The following C1orf21 variants were observed in gnomAD, a reference collection of about 807,000 sequenced individuals.
C1orf21 encodes chromosome 1 open reading frame 21.
Under a neutral mutation model 18.7 loss-of-function variants are expected in C1orf21, and 3 were observed. That is an observed-to-expected ratio of 0.16 (90% CI 0.07 to 0.42). The LOEUF (loss-of-function observed/expected upper bound fraction) is 0.42, where lower values mean the gene tolerates loss of function less well. Among genes scored for constraint, C1orf21 ranks in the 10% least tolerant of loss-of-function variants. The probability of loss-of-function intolerance (pLI) is 0.99; values close to 1 mark genes in which losing one functional copy is unlikely to be tolerated. For synonymous variants in C1orf21, 41 were observed against 46.4 expected (o/e 0.88, Z 0.47); for missense variants, 104 against 143.6 (o/e 0.72, Z 1.41).
chr1:184,560,181 T>G (rs1032764521), intron 3 of C1orf21, among the ~76,000 whole-genome samples: 1 of 152,198 alleles, frequency 6.6e-6, no homozygotes, highest in African/African-American at 2.4e-5. Context: ...AGACGCACAT[T>G]AAACAATTAT....
intron 3 of C1orf21, among the ~76,000 whole-genome samples, chr1:184,540,263 CT>C (rs1038120782): frequency 4.6e-5 from 7 of 152,090 alleles, no homozygotes; most frequent in African/African-American, 1.7e-4. Flanking sequence ...TGTTATTGTT[CT>C]TTCATGGTAG....
intron 1 of C1orf21, among the ~76,000 whole-genome samples, chr1:184,397,395 G>C (rs1180800130): frequency 6.6e-6 from 1 of 152,106 alleles, no homozygotes; most frequent in African/African-American, 2.4e-5. Context: ...GACCATCCTG[G>C]CTAACACGGT....
chr1:184,513,230 G>A (rs973063089), intron 3 of C1orf21, among the ~76,000 whole-genome samples: 1 of 152,104 alleles, frequency 6.6e-6, no homozygotes, highest in African/African-American at 2.4e-5. Context: ...GCAAAGGGAG[G>A]GAAAGCAAAA....
chr1:184,532,741 T>G (rs1055991472), intron 3 of C1orf21, among the ~76,000 whole-genome samples: 1 of 152,074 alleles, frequency 6.6e-6, no homozygotes, highest in Admixed American at 6.5e-5. Context: ...ATCAAGAACT[T>G]GTTTCTTAAA....
chr1:184,429,909 C>A lies in C1orf21; in HGVS notation c.-125+42541C>A, dbSNP rs796433465. On this transcript the variant is annotated intron_variant, in intron 1 of 5. Coordinates refer to ENST00000235307, the MANE Select transcript of C1orf21 (RefSeq NM_030806.4). ...GGATCATGAGGTCAGAAGATCGAGA[C>A]CATCCTAGCTAATATGGTGAAACCC... is the stretch of plus-strand genomic sequence containing the variant. Among the ~76,000 whole-genome samples, 10 of 151,980 alleles carry A rather than the reference C, an allele frequency of 6.6e-5. No homozygotes were observed. The East Asian group carries it at 1.9e-3, about 29-fold the overall frequency.
chr1:184,529,150 T>A (rs755568403), intron 3 of C1orf21, among the ~76,000 whole-genome samples: 9 of 152,234 alleles, frequency 5.9e-5, no homozygotes, highest in Non-Finnish European at 1.3e-4. Context: ...ATTTTTTGCA[T>A]ATTTTGATTA....
chr1:184,598,799 G>C (rs1339571), intron 5 of C1orf21, among the ~76,000 whole-genome samples: 43,690 of 152,014 alleles, frequency 0.29, 7,994 homozygotes, highest in African/African-American at 0.52. Flanking sequence ...CTGCAAGGGG[G>C]CCCATAGTAC....
intron 3 of C1orf21, among the ~76,000 whole-genome samples, chr1:184,524,529 C>T (rs1246654003): frequency 2.0e-5 from 3 of 151,782 alleles, no homozygotes; most frequent in Admixed American, 1.3e-4. Flanking sequence ...TGGAATTGTC[C>T]CAGATTAAAA....
intron 3 of C1orf21, among the ~76,000 whole-genome samples, chr1:184,531,262 T>G (rs1378015071): frequency 6.6e-6 from 1 of 152,218 alleles, no homozygotes; most frequent in Admixed American, 6.5e-5. Flanking sequence ...CATTTGTTCC[T>G]TTCTTCTTAG....
At chr1:184,513,046 T>A (rs1658174399) in intron 3 of C1orf21, among the ~76,000 whole-genome samples, 3 of 152,216 alleles carry the variant, frequency 2.0e-5, no homozygotes, top group Non-Finnish European at 2.9e-5. Context: ...TCTTAACTAA[T>A]GTCTGATGAT....
chr1:184,414,211 G>T (rs1025701990), intron 1 of C1orf21, among the ~76,000 whole-genome samples: 1 of 152,070 alleles, frequency 6.6e-6, no homozygotes, highest in Non-Finnish European at 1.5e-5. Flanking sequence ...GGCTCACCGT[G>T]GCCTCGACTC....
intron 3 of C1orf21, among the ~76,000 whole-genome samples, chr1:184,515,648 C>G (rs1156648577): frequency 6.6e-6 from 1 of 152,126 alleles, no homozygotes; most frequent in East Asian, 1.9e-4. Flanking sequence ...TAAAACAAAA[C>G]ATCATTTAAG....
intron 3 of C1orf21, among the ~76,000 whole-genome samples, chr1:184,580,259 T>G (rs939502493): frequency 6.6e-6 from 1 of 152,228 alleles, no homozygotes. Context: ...AAGCCACGTT[T>G]CATCTCCTGT....
At chr1:184,448,882 C>G (rs561989376) in intron 1 of C1orf21, among the ~76,000 whole-genome samples, 1 of 152,264 alleles carries the variant, frequency 6.6e-6, no homozygotes, top group South Asian at 2.1e-4. Flanking sequence ...CCTCCCATTT[C>G]TTAGTGACCA....
rs141622516 is a variant in C1orf21, at chr1:184,490,068, G to T, written c.94+12465G>T. On this transcript the variant is annotated intron_variant, in intron 2 of 5. Transcript: ENST00000235307. ...GGAGAAAGCACTATCACTGGAAATA[G>T]CCCCAGGGCAACAGGGATCTGACTG... Among the ~76,000 whole-genome samples, 346 of 152,336 alleles carry T rather than the reference G, an allele frequency of 2.3e-3. 1 individual carries two copies. Among genetic ancestry groups the T allele is most frequent in the African/African-American group, 7.7e-3 (319 of 41,578 alleles).
At chr1:184,581,206 C>A (rs1659270238) in intron 3 of C1orf21, among the ~76,000 whole-genome samples, 1 of 152,150 alleles carries the variant, frequency 6.6e-6, no homozygotes, top group Non-Finnish European at 1.5e-5. Context: ...GCAGGTGGAT[C>A]ACCTGAGGTT....
intron 3 of C1orf21, among the ~76,000 whole-genome samples, chr1:184,558,326 C>T (rs1658907924): frequency 6.6e-6 from 1 of 152,074 alleles, no homozygotes; most frequent in East Asian, 1.9e-4. Context: ...TTTCTATGGC[C>T]CTGATTTGTG....
chr1:184,599,475 C>CCACCA (rs1213450253), intron 5 of C1orf21: 2 of 152,174 alleles, frequency 1.3e-5, no homozygotes, highest in South Asian at 4.1e-4. Context: ...ATTGTATCAT[C>CCACCA]TTCTAAGCCA....
At chr1:184,531,484 T>A (rs1405316006) in intron 3 of C1orf21, among the ~76,000 whole-genome samples, 1 of 152,244 alleles carries the variant, frequency 6.6e-6, no homozygotes, top group African/African-American at 2.4e-5. Context: ...TCTGTTCCTG[T>A]GTCTTAATGG....
Sources: gnomAD v4.1 joint callset for allele counts (sites outside exome capture counted in the v4.1 genomes callset) on GRCh38, gnomAD v4.1.1 for gene constraint, MANE v1.5 for transcripts, NCBI Gene and HGNC (gene_info 2026-07-23, HGNC 2026-07-21) for gene names.